The following COMMD8 variants were observed in gnomAD, a reference collection of about 807,000 sequenced individuals.
COMMD8 encodes COMM domain containing 8.
Under a neutral mutation model 27.2 loss-of-function variants are expected in COMMD8, and 28 were observed. The ratio of observed to expected loss-of-function variants is 1.03; its 90% CI spans 0.76 to 1.41. COMMD8 has a LOEUF of 1.41. Ranked by LOEUF, COMMD8 falls within the 40% of genes most tolerant of loss-of-function variation. The pLI is 0.00. For synonymous variants in COMMD8, 79 were observed against 75.5 expected, an observed-to-expected ratio of 1.05 and a Z score of -0.24; for missense variants, 217 against 211.2, an observed-to-expected ratio of 1.03 and a Z score of -0.17.
At chr4:47,463,192 C>T (rs1341308792) in intron 1 of COMMD8, among the ~76,000 whole-genome samples, 1 of 152,208 alleles carries the variant, frequency 6.6e-6, no homozygotes, top group Non-Finnish European at 1.5e-5. Flanking sequence ...AGGCAGGGTC[C>T]GCTTCGGTCT....
chr4:47,456,473 T>C (rs1729893151), intron 3 of COMMD8, 104 bp downstream of exon 3: 1 of 749,378 alleles, frequency 1.3e-6, no homozygotes, highest in Admixed American at 3.8e-5. Context: ...TTCTTTGGGA[T>C]AATACATTCC....
intron 1 of COMMD8, 65 bp from the exon 2 acceptor site, chr4:47,460,364 T>G: frequency 7.3e-7 from 1 of 1,368,500 alleles, no homozygotes; most frequent in Non-Finnish European, 1.0e-6. Flanking sequence ...TATCTTCCTC[T>G]TAACAAACAA....
chr4:47,460,426 T>TA, intron 1 of COMMD8, 127 bp from the exon 2 acceptor site: 3 of 702,120 alleles, frequency 4.3e-6, no homozygotes, highest in Non-Finnish European at 7.0e-6. Flanking sequence ...TTAAAATGTA[T>TA]AAACCACTTT....
intron 2 of COMMD8, 42 bp downstream of exon 2, chr4:47,460,102 G>A (rs1729984788): frequency 1.3e-6 from 2 of 1,549,038 alleles, no homozygotes; most frequent in Non-Finnish European, 1.8e-6. Flanking sequence ...AGAAACCTGA[G>A]CATTATTTAT....
intron 3 of COMMD8, among the ~76,000 whole-genome samples, chr4:47,454,570 A>G (rs1363222542): frequency 6.6e-6 from 1 of 152,164 alleles, no homozygotes; most frequent in Non-Finnish European, 1.5e-5. Context: ...CTCTTGCTTG[A>G]AGAACTGCAA....
chr4:47,455,161 ACAC>A (rs1729856540), intron 3 of COMMD8, among the ~76,000 whole-genome samples: 1 of 151,856 alleles, frequency 6.6e-6, no homozygotes, highest in Non-Finnish European at 1.5e-5. Context: ...CTACAGGCAC[ACAC>A]CACAACACCC....
intron 1 of COMMD8, among the ~76,000 whole-genome samples, chr4:47,460,814 A>C (rs1261803018): frequency 6.6e-6 from 1 of 152,102 alleles, no homozygotes; most frequent in African/African-American, 2.4e-5. Context: ...CTCAGCAGTT[A>C]CTTTTGCTGT....
At chr4:47,463,226 T>C (rs1478665426) in intron 1 of COMMD8, among the ~76,000 whole-genome samples, 1 of 152,184 alleles carries the variant, frequency 6.6e-6, no homozygotes, top group Non-Finnish European at 1.5e-5. Flanking sequence ...TTCCAGCACC[T>C]AGCTCTGTAC....
Position 47,460,083 on chromosome 4 carries a change from A to C in COMMD8, c.222+61T>G, listed in dbSNP as rs111657515. 2,274 of 1,429,038 alleles carry C rather than the reference A, an allele frequency of 1.6e-3. 39 individuals are homozygous for C. In the African/African-American group the frequency reaches 0.028, roughly 18 times the overall value. 88.5% of individuals were successfully genotyped at this position (1,429,038 alleles called of 1,614,324 possible). ...CCTTGTATTATACATTGCTCTAAAA[A>C]ACTCAGAGAGAAACCTGAGCATTAT... On this transcript the variant is annotated intron_variant, in intron 2 of 4. Coordinates refer to ENST00000381571, the MANE Select transcript of COMMD8 (RefSeq NM_017845.5).
chr4:47,458,995 C>A (rs2109356989), intron 2 of COMMD8, among the ~76,000 whole-genome samples: 1 of 152,094 alleles, frequency 6.6e-6, no homozygotes, highest in Middle Eastern at 3.4e-3. Flanking sequence ...ACTCCATACA[C>A]AAATATTAAT....
chr4:47,462,431 G>A (rs890280074), intron 1 of COMMD8, among the ~76,000 whole-genome samples: 1 of 152,070 alleles, frequency 6.6e-6, no homozygotes, highest in African/African-American at 2.4e-5. Flanking sequence ...AGGTCCAGGG[G>A]GAAAGAAGAG....
At chr4:47,458,629 T>C (rs1220443193) in intron 2 of COMMD8, among the ~76,000 whole-genome samples, 1 of 152,094 alleles carries the variant, frequency 6.6e-6, no homozygotes, top group African/African-American at 2.4e-5. Context: ...AAATGATCTC[T>C]ATCAAAATTC....
At chr4:47,456,864 G>C (rs1259638125) in intron 2 of COMMD8, 135 bp from the exon 3 acceptor site, 1 of 630,108 alleles carries the variant, frequency 1.6e-6, no homozygotes, top group African/African-American at 1.9e-5. Context: ...AAAAGAGTAA[G>C]ATGAGAATGA....
At chr4:47,452,561 T>TAAC (rs1318047455) in intron 4 of COMMD8, among the ~76,000 whole-genome samples, 2 of 140,000 alleles carry the variant, frequency 1.4e-5, no homozygotes, top group African/African-American at 5.5e-5. Context: ...TCAAAACTAA[T>TAAC]TGAACATTAC....
rs919651894 is a variant in COMMD8 at position 47,450,910 on chromosome 4, A to G, written c.*735T>C. The G allele has an allele frequency of 6.6e-6, 1 of 152,370 alleles. No individual in the cohort carries two copies. The highest frequency in any genetic ancestry group is 2.4e-5 in the African/African-American group (1 of 41,590). The allele number at this position is 152,370 out of a possible 1,614,324, so 9.4% of individuals were successfully genotyped here. ...TTTATTAACAAAAGTGGATGTGTAC[A>G]TAGTCTTATCTCATATTTGAATATA... On this transcript the variant is annotated 3_prime_UTR_variant, in exon 5 of 5. Coordinates refer to ENST00000381571, the MANE Select transcript of COMMD8 (RefSeq NM_017845.5).
At chr4:47,462,673 A>C (rs568779359) in intron 1 of COMMD8, among the ~76,000 whole-genome samples, 1 of 152,268 alleles carries the variant, frequency 6.6e-6, no homozygotes, top group East Asian at 1.9e-4. Flanking sequence ...GGAGAGCCAA[A>C]AGCCAATAAA....
At chr4:47,452,069 G>A (rs1299203633) in intron 4 of COMMD8, among the ~76,000 whole-genome samples, 1 of 152,196 alleles carries the variant, frequency 6.6e-6, no homozygotes, top group African/African-American at 2.4e-5. Flanking sequence ...GAATCACTGA[G>A]ACTTAATCAC....
chr4:47,455,455 T>C (rs1347236643), intron 3 of COMMD8, among the ~76,000 whole-genome samples: 1 of 152,236 alleles, frequency 6.6e-6, no homozygotes, highest in Non-Finnish European at 1.5e-5. Context: ...TGATTGTAAT[T>C]GGCTGTGACA....
intron 3 of COMMD8, among the ~76,000 whole-genome samples, chr4:47,454,176 T>C (rs1729828212): frequency 6.6e-6 from 1 of 152,230 alleles, no homozygotes. Flanking sequence ...ATGTGCTACC[T>C]TGAGAAGCGG....
Sources: allele counts gnomAD v4.1 joint callset (sites outside exome capture counted in the v4.1 genomes callset), GRCh38; gene constraint gnomAD v4.1.1; transcripts MANE v1.5; gene names NCBI Gene and HGNC (gene_info 2026-07-23, HGNC 2026-07-21).